Variants in FOXP2 observed in about 807,000 individuals in gnomAD.
FOXP2 encodes the protein forkhead box protein P2.
Under a neutral mutation model 115.8 loss-of-function variants are expected in FOXP2, and 12 were observed. That is an observed-to-expected ratio of 0.10 (90% CI 0.07 to 0.17). FOXP2 has a LOEUF of 0.17. FOXP2 is among the 10% of genes least tolerant of loss of function. The pLI, the probability that FOXP2 is intolerant of heterozygous loss-of-function variation, is 1.00. For missense variants in FOXP2, 629 were observed against 843.5 expected (o/e 0.75, Z 3.15); for synonymous variants, 328 against 297.7 (o/e 1.10, Z -1.05).
intron 2 of FOXP2, among the ~76,000 whole-genome samples, chr7:114,509,756 G>A (rs1584826602): frequency 6.6e-6 from 1 of 151,818 alleles, no homozygotes; most frequent in Non-Finnish European, 1.5e-5. Flanking sequence ...CATGATCAAG[G>A]CAAATGGACA....
chr7:114,352,244 G>A (rs1791509067), intron 2 of FOXP2, among the ~76,000 whole-genome samples: 1 of 151,984 alleles, frequency 6.6e-6, no homozygotes, highest in Admixed American at 6.6e-5. Flanking sequence ...TCCAGCCTGG[G>A]CAACAGAGTG....
intron 1 of FOXP2, among the ~76,000 whole-genome samples, chr7:114,123,817 A>G (rs1024402121): frequency 3.3e-5 from 5 of 152,244 alleles, no homozygotes; most frequent in African/African-American, 1.2e-4. Context: ...AGCATTATAA[A>G]GTAAGCATTT....
chr7:114,244,088 G>A (rs1018196555), intron 1 of FOXP2, among the ~76,000 whole-genome samples: 4 of 151,954 alleles, frequency 2.6e-5, no homozygotes, highest in African/African-American at 9.7e-5. Context: ...GAAGTTTAAT[G>A]CATAGCATTT....
At chr7:114,599,235 G>A (rs1217806278) in intron 3 of FOXP2, among the ~76,000 whole-genome samples, 1 of 152,036 alleles carries the variant, frequency 6.6e-6, no homozygotes, top group Non-Finnish European at 1.5e-5. Flanking sequence ...TCAGATTAAG[G>A]AAGTTCCCAT....
At chr7:114,650,655 A>G (rs1227508818) in intron 8 of FOXP2, among the ~76,000 whole-genome samples, 1 of 152,044 alleles carries the variant, frequency 6.6e-6, no homozygotes, top group East Asian at 1.9e-4. Flanking sequence ...CCCAGAGAGC[A>G]TGAGTGAATG....
At chr7:114,310,505 GCTGT>G (rs1439982991) in intron 2 of FOXP2, among the ~76,000 whole-genome samples, 1 of 151,052 alleles carries the variant, frequency 6.6e-6, no homozygotes, top group Non-Finnish European at 1.5e-5. Flanking sequence ...TAGCAGATTA[GCTGT>G]CTTTTTTTTT....
intron 1 of FOXP2, among the ~76,000 whole-genome samples, chr7:114,109,727 T>G (rs1029598019): frequency 6.6e-6 from 1 of 152,154 alleles, no homozygotes; most frequent in Non-Finnish European, 1.5e-5. Flanking sequence ...AAAAATTTCC[T>G]AAAAGATTGT....
intron 2 of FOXP2, among the ~76,000 whole-genome samples, chr7:114,532,325 T>C (rs1229968340): frequency 6.6e-6 from 1 of 151,954 alleles, no homozygotes; most frequent in Non-Finnish European, 1.5e-5. Flanking sequence ...AAAGGTTATA[T>C]TGTTGTTTCC....
intron 2 of FOXP2, among the ~76,000 whole-genome samples, chr7:114,427,342 C>T (rs1793904087): frequency 6.6e-6 from 1 of 150,722 alleles, no homozygotes; most frequent in Non-Finnish European, 1.5e-5. Flanking sequence ...AATAAAGGTA[C>T]ACTTTTAAGT....
chr7:114,454,012 A>C (rs1795179124), intron 2 of FOXP2, among the ~76,000 whole-genome samples: 1 of 152,148 alleles, frequency 6.6e-6, no homozygotes, highest in Admixed American at 6.5e-5. Flanking sequence ...GACAAAATTG[A>C]CAAATGGGAT....
chr7:114,559,968 G>A (rs6951539), intron 3 of FOXP2, among the ~76,000 whole-genome samples: 14,102 of 151,732 alleles, frequency 0.093, 703 homozygotes, highest in Middle Eastern at 0.16. Context: ...AGGTTAATAT[G>A]AAGTACTTTA....
At chr7:114,687,233 G>A (rs1808414348) in intron 16 of FOXP2, among the ~76,000 whole-genome samples, 2 of 152,122 alleles carry the variant, frequency 1.3e-5, no homozygotes, top group South Asian at 4.1e-4. Flanking sequence ...TCCAGTTGGA[G>A]CATAGCTAAT....
intron 3 of FOXP2, among the ~76,000 whole-genome samples, chr7:114,541,216 G>A (rs1403386624): frequency 6.6e-6 from 1 of 152,036 alleles, no homozygotes; most frequent in African/African-American, 2.4e-5. Context: ...GAGGGGTCAA[G>A]ACTAAAGAGA....
intron 2 of FOXP2, among the ~76,000 whole-genome samples, chr7:114,377,896 A>T (rs982046816): frequency 2.0e-5 from 3 of 152,176 alleles, no homozygotes; most frequent in Non-Finnish European, 4.4e-5. Context: ...CCACAAGAGG[A>T]CATCTCTAAA....
chr7:114,587,879 A>ATATATATAAAGGTGCC lies in FOXP2; in HGVS notation c.259-40661_259-40660insTATATATAAAGGTGCC. 5.2e-5 allele frequency among the ~76,000 whole-genome samples: 4 copies of ATATATATAAAGGTGCC among 76,800 alleles called. 2 individuals are homozygous for ATATATATAAAGGTGCC. In the South Asian group the frequency reaches 2.1e-3, roughly 41 times the overall value. The allele number at this position is 76,800 out of a possible 152,430, so 50.4% of individuals were successfully genotyped here. A position where few individuals can be genotyped will look rare whatever the true frequency, so the allele number is the denominator to read the frequency against. On this transcript the variant is annotated intron_variant, in intron 3 of 16. Transcript: ENST00000350908. ...CTAATTGGGTGAATAAGAGATAATT[A>ATATATATAAAGGTGCC]AATCCACCTTTCTTAGTGCCTTATT... is the stretch of plus-strand genomic sequence containing the variant.
intron 5 of FOXP2, chr7:114,631,166 A>G (rs1804896604): frequency 3.4e-6 from 1 of 295,936 alleles, no homozygotes; most frequent in Non-Finnish European, 6.5e-6. Context: ...AATTGGAAAA[A>G]AAAAAAAAGT....
chr7:114,204,710 G>GT (rs2129160324), intron 1 of FOXP2, among the ~76,000 whole-genome samples: 1 of 152,268 alleles, frequency 6.6e-6, no homozygotes, highest in Admixed American at 6.5e-5. Context: ...GTTTGTCACA[G>GT]TTTTTTGAGA....
intron 1 of FOXP2, among the ~76,000 whole-genome samples, chr7:114,186,633 C>G (rs181150714): frequency 6.6e-6 from 1 of 152,126 alleles, no homozygotes; most frequent in African/African-American, 2.4e-5. Context: ...GTGTTACACT[C>G]TGGCAGCTCT....
chr7:114,201,764 C>T (rs1382594465), intron 1 of FOXP2, among the ~76,000 whole-genome samples: 1 of 152,060 alleles, frequency 6.6e-6, no homozygotes, highest in African/African-American at 2.4e-5. Context: ...TCTACTGTAT[C>T]CAGCACTAAA....
Sources: gnomAD v4.1 joint callset for allele counts (sites outside exome capture counted in the v4.1 genomes callset) on GRCh38, gnomAD v4.1.1 for gene constraint, MANE v1.5 for transcripts, NCBI Gene and HGNC (gene_info 2026-07-23, HGNC 2026-07-21) for gene names.